The following ASIC2 variants were observed in gnomAD, a reference collection of about 807,000 sequenced individuals.
The protein encoded by ASIC2 is acid-sensing ion channel 2.
In ASIC2, 25 loss-of-function variants were observed where a neutral mutation model predicts 57.3. The ratio of observed to expected loss-of-function variants is 0.44; its 90% CI spans 0.32 to 0.61. The LOEUF (loss-of-function observed/expected upper bound fraction) is 0.61, where lower values mean the gene tolerates loss of function less well. ASIC2 is among the 20% of genes least tolerant of loss of function. The probability of loss-of-function intolerance (pLI) is 0.06; values close to 1 mark genes in which losing one functional copy is unlikely to be tolerated. For synonymous variants in ASIC2, 319 were observed against 307.5 expected (o/e 1.04, Z -0.39); for missense variants, 641 against 738.1 (o/e 0.87, Z 1.52).
chr17:33,903,148 A>C (rs1332662540), intron 1 of ASIC2, among the ~76,000 whole-genome samples: 2 of 152,144 alleles, frequency 1.3e-5, no homozygotes, highest in Admixed American at 6.5e-5. Flanking sequence ...CAGCAGCCAT[A>C]AAAATCATCT....
intron 1 of ASIC2, among the ~76,000 whole-genome samples, chr17:33,251,705 T>G (rs1908890253): frequency 6.6e-6 from 1 of 152,154 alleles, no homozygotes; most frequent in Non-Finnish European, 1.5e-5. Context: ...TTTTCCCACT[T>G]TGCATATGGG....
chr17:33,973,693 C>T (rs570947449), intron 1 of ASIC2, among the ~76,000 whole-genome samples: 1 of 152,184 alleles, frequency 6.6e-6, no homozygotes, highest in Admixed American at 6.5e-5. Flanking sequence ...CTCACCCCAC[C>T]AGGCTGCCAT....
intron 1 of ASIC2, among the ~76,000 whole-genome samples, chr17:34,041,040 A>G (rs183697751): frequency 2.0e-5 from 3 of 152,304 alleles, no homozygotes; most frequent in Admixed American, 6.5e-5. Context: ...GCTCAGCTTA[A>G]TGGGGAAGTG....
intron 1 of ASIC2, among the ~76,000 whole-genome samples, chr17:33,352,182 C>G (rs1296681199): frequency 6.6e-6 from 1 of 152,150 alleles, no homozygotes; most frequent in Non-Finnish European, 1.5e-5. Flanking sequence ...CTTCTTCCAT[C>G]TGAATCTCGA....
At chr17:33,917,820 T>C (rs1048801663) in intron 1 of ASIC2, among the ~76,000 whole-genome samples, 3 of 151,718 alleles carry the variant, frequency 2.0e-5, no homozygotes, top group African/African-American at 7.3e-5. Context: ...GGCCTTATGA[T>C]CCAGTAGTTT....
chr17:34,004,395 C>T (rs557444374), intron 1 of ASIC2: 1 of 152,216 alleles, frequency 6.6e-6, no homozygotes, highest in South Asian at 2.1e-4. Flanking sequence ...TAGCAACAGC[C>T]CAAGAAGTAG....
intron 1 of ASIC2, among the ~76,000 whole-genome samples, chr17:33,606,223 C>T (rs974124798): frequency 3.9e-5 from 6 of 152,166 alleles, no homozygotes; most frequent in Admixed American, 6.5e-5. Context: ...GAATAAAAGA[C>T]GATTCTCGAG....
chr17:33,208,681 T>C (rs1366254627), intron 1 of ASIC2, among the ~76,000 whole-genome samples: 1 of 151,686 alleles, frequency 6.6e-6, no homozygotes, highest in Non-Finnish European at 1.5e-5. Flanking sequence ...ATTATTATTA[T>C]ATTTATTATT....
At chr17:34,147,608 G>C (rs1281382567) in intron 1 of ASIC2, among the ~76,000 whole-genome samples, 5 of 152,158 alleles carry the variant, frequency 3.3e-5, no homozygotes, top group African/African-American at 1.2e-4. Flanking sequence ...AGCCCAGTCT[G>C]TATGGTTTTA....
chr17:33,751,842 T>C (rs1431512545), intron 1 of ASIC2, among the ~76,000 whole-genome samples: 1 of 151,280 alleles, frequency 6.6e-6, no homozygotes, highest in Non-Finnish European at 1.5e-5. Flanking sequence ...ACTGGTAGAC[T>C]TAGGGGGCAG....
chr17:33,272,574 C>T lies in ASIC2; in HGVS notation c.708+18834G>A, dbSNP rs144670050. On this transcript the variant is annotated intron_variant, in intron 1 of 9. Coordinates refer to ENST00000225823, the MANE Select transcript of ASIC2 (RefSeq NM_183377.2). Reference sequence around the variant, plus strand: ...ATAAACCCATGAGCCCTGCCCTGCACATGGCTGTATTGTCATCATCATCAT... The same window carrying T: ...ATAAACCCATGAGCCCTGCCCTGCATATGGCTGTATTGTCATCATCATCAT... Among the ~76,000 whole-genome samples, 954 of 152,312 alleles carry T rather than the reference C, an allele frequency of 6.3e-3. 13 individuals are homozygous for T. The highest frequency in any genetic ancestry group is 0.022 in the African/African-American group (902 of 41,558).
At position 33,353,996 on chromosome 17, in the gene ASIC2, T is replaced by C. The variant is rs1279469329; in HGVS notation, c.556-241929A>G. ...TCCACATGGCTGGGGAGGCCTCACA[T>C]TCATGTTGGAAGGCAAAAGAGGAGC... On this transcript the variant is annotated intron_variant, in intron 1 of 9. Transcript: ENST00000359872. Among the ~76,000 whole-genome samples the C allele has an allele frequency of 2.0e-5, 3 of 152,240 alleles. No individual in the cohort carries two copies. In the East Asian group the frequency reaches 5.8e-4, roughly 29 times the overall value.
chr17:33,739,986 AAAAG>A (rs141516300), intron 1 of ASIC2, among the ~76,000 whole-genome samples: 4,621 of 151,386 alleles, frequency 0.031, 240 homozygotes, highest in African/African-American at 0.11. Context: ...AAAGAAAGAA[AAAAG>A]AAAGAAAGAA....
chr17:33,505,154 G>A lies in ASIC2; in HGVS notation c.556-393087C>T, dbSNP rs188204899. The stretch of plus-strand genomic sequence containing the variant: ...TACAAGGCAGTTCAATATGGTGGGC[G>A]GGGCACGTGAGCAGTAGTCCTAGGC... On this transcript the variant is annotated intron_variant, in intron 1 of 9. Transcript: ENST00000359872. Among the ~76,000 whole-genome samples, 328 of 152,064 alleles carry A rather than the reference G, an allele frequency of 2.2e-3. 5 individuals carry two copies. Among genetic ancestry groups the A allele is most frequent in the Admixed American group, 1.8e-3 (27 of 15,286 alleles).
chr17:33,938,913 T>TCAGA (rs1916126723), intron 1 of ASIC2, among the ~76,000 whole-genome samples: 1 of 152,228 alleles, frequency 6.6e-6, no homozygotes, highest in Admixed American at 6.5e-5. Context: ...GCCTCTGTGC[T>TCAGA]CAGACTCTGG....
chr17:34,013,330 C>A (rs909996022), intron 1 of ASIC2, among the ~76,000 whole-genome samples: 3 of 152,188 alleles, frequency 2.0e-5, no homozygotes, highest in African/African-American at 7.2e-5. Context: ...GACTGTAGAA[C>A]TAGAATGCTC....
intron 1 of ASIC2, among the ~76,000 whole-genome samples, chr17:33,674,083 C>T (rs1034582083): frequency 3.3e-5 from 5 of 152,020 alleles, no homozygotes; most frequent in African/African-American, 9.7e-5. Flanking sequence ...TTAGTAGAGA[C>T]GGGGTTTCAC....
chr17:33,692,242 C>T (rs553670955), intron 1 of ASIC2: 3 of 152,278 alleles, frequency 2.0e-5, no homozygotes, highest in Admixed American at 2.0e-4. Context: ...CCCTCAGTTC[C>T]TATCATTATC....
intron 1 of ASIC2, among the ~76,000 whole-genome samples, chr17:33,130,639 G>C (rs1463706046): frequency 1.3e-5 from 2 of 152,172 alleles, no homozygotes; most frequent in Admixed American, 6.5e-5. Context: ...ATATTGTCAA[G>C]AGCAGGGGAC....
Sources: gnomAD v4.1 joint callset for allele counts (sites outside exome capture counted in the v4.1 genomes callset) on GRCh38, gnomAD v4.1.1 for gene constraint, MANE v1.5 for transcripts, NCBI Gene and HGNC (gene_info 2026-07-23, HGNC 2026-07-21) for gene names.